The following MALRD1 variants were observed in gnomAD, a reference collection of about 807,000 sequenced individuals.
MALRD1 encodes MAM and LDL receptor class A domain containing 1, also known as MAM and LDL-receptor class A domain-containing protein 1.
A neutral mutation model predicts 242.1 loss-of-function variants in MALRD1; 247 were observed. That is an observed-to-expected ratio of 1.02 (90% CI 0.92 to 1.13). The LOEUF (loss-of-function observed/expected upper bound fraction) is 1.13. Ranked by LOEUF, MALRD1 falls within the 50% of genes most tolerant of loss-of-function variation. MALRD1 has a pLI of 0.00. For missense variants in MALRD1, 2,989 were observed against 2,533.1 expected (o/e 1.18, Z -3.86); for synonymous variants, 995 against 866.6 (o/e 1.15, Z -2.60).
chr10:19,511,605 A>C (rs565866962), intron 31 of MALRD1, among the ~76,000 whole-genome samples: 1 of 152,218 alleles, frequency 6.6e-6, no homozygotes, highest in South Asian at 2.1e-4. Flanking sequence ...AGGAATATGA[A>C]TATGTGAATC....
At chr10:19,584,851 T>C (rs1208653207) in intron 33 of MALRD1, among the ~76,000 whole-genome samples, 1 of 151,878 alleles carries the variant, frequency 6.6e-6, no homozygotes, top group African/African-American at 2.4e-5. Context: ...TATTAATGTG[T>C]GGGAGTCTAA....
At chr10:19,345,381 G>A (rs1337456064) in intron 24 of MALRD1, among the ~76,000 whole-genome samples, 1 of 152,036 alleles carries the variant, frequency 6.6e-6, no homozygotes, top group Non-Finnish European at 1.5e-5. Context: ...CAAGGCAACT[G>A]AATTATTTTA....
chr10:19,149,883 C>G (rs1833878592), intron 11 of MALRD1, among the ~76,000 whole-genome samples: 1 of 152,180 alleles, frequency 6.6e-6, no homozygotes. Context: ...GATCTGATTT[C>G]TAGCCCTAGT....
chr10:19,121,043 C>CA (rs552953820), intron 5 of MALRD1, among the ~76,000 whole-genome samples: 1 of 106,598 alleles, frequency 9.4e-6, no homozygotes, highest in Admixed American at 9.8e-5. Context: ...TGTGCCCGGC[C>CA]TTTTTTTTTT....
chr10:19,151,754 G>A (rs1454632360), intron 11 of MALRD1, among the ~76,000 whole-genome samples: 1 of 152,122 alleles, frequency 6.6e-6, no homozygotes, highest in Non-Finnish European at 1.5e-5. Context: ...AAAGTTTTCA[G>A]TATTTTTCAG....
At chr10:19,245,567 T>C (rs1182458160) in intron 18 of MALRD1, among the ~76,000 whole-genome samples, 1 of 152,136 alleles carries the variant, frequency 6.6e-6, no homozygotes, top group East Asian at 1.9e-4. Context: ...ATGTGAAAAA[T>C]TATAAAATAT....
At chr10:19,345,932 C>CT (rs1425685799) in intron 24 of MALRD1, among the ~76,000 whole-genome samples, 13 of 151,798 alleles carry the variant, frequency 8.6e-5, no homozygotes, top group Non-Finnish European at 1.8e-4. Flanking sequence ...CGTATGTTTT[C>CT]TTTTTTAATT....
intron 32 of MALRD1, among the ~76,000 whole-genome samples, chr10:19,540,944 G>T (rs1243756885): frequency 1.3e-5 from 2 of 152,132 alleles, no homozygotes; most frequent in Non-Finnish European, 2.9e-5. Flanking sequence ...GCAAGACCTT[G>T]TGTCTTTAAA....
chr10:19,530,448 A>AAATATTATATAATATG (rs1554793525), intron 31 of MALRD1, among the ~76,000 whole-genome samples: 2 of 100,184 alleles, frequency 2.0e-5, no homozygotes, highest in East Asian at 2.5e-4. Flanking sequence ...AATATATAAT[A>AAATATTATATAATATG]TATAATATAT....
intron 14 of MALRD1, among the ~76,000 whole-genome samples, chr10:19,194,415 T>C (rs1402144894): frequency 6.6e-6 from 1 of 152,148 alleles, no homozygotes; most frequent in East Asian, 1.9e-4. Flanking sequence ...AACAAAACGT[T>C]CTCTTCTTTT....
chr10:19,726,279 G>A (rs1238779216), intron 38 of MALRD1, among the ~76,000 whole-genome samples: 1 of 151,970 alleles, frequency 6.6e-6, no homozygotes, highest in Admixed American at 6.6e-5. Context: ...ATTTCAAAAT[G>A]GGCAAAGGAC....
chr10:19,484,122 CAA>C (rs1236661264), intron 29 of MALRD1, among the ~76,000 whole-genome samples: 4 of 152,054 alleles, frequency 2.6e-5, no homozygotes, highest in Admixed American at 2.6e-4. Flanking sequence ...GAACTACTGA[CAA>C]GAGAAGAGAG....
At chr10:19,098,652 G>A (rs1836133521) in intron 4 of MALRD1, among the ~76,000 whole-genome samples, 1 of 152,130 alleles carries the variant, frequency 6.6e-6, no homozygotes. Flanking sequence ...ATAACCGTAA[G>A]TGTTTTTAAT....
chr10:19,604,494 G>T (rs530156599), intron 34 of MALRD1, among the ~76,000 whole-genome samples: 1 of 152,136 alleles, frequency 6.6e-6, no homozygotes, highest in Non-Finnish European at 1.5e-5. Flanking sequence ...AGATAGCAGA[G>T]GTTGGTTTAT....
At chr10:19,169,349 A>G (rs1304300886) in intron 13 of MALRD1, among the ~76,000 whole-genome samples, 2 of 152,222 alleles carry the variant, frequency 1.3e-5, no homozygotes, top group African/African-American at 4.8e-5. Context: ...CACAATATAT[A>G]AAAATAGATA....
At chr10:19,580,688 C>T (rs543643922) in intron 33 of MALRD1, among the ~76,000 whole-genome samples, 2 of 152,282 alleles carry the variant, frequency 1.3e-5, no homozygotes, top group Admixed American at 6.5e-5. Flanking sequence ...GCTTTGGCCT[C>T]GACTAGCTGC....
chr10:19,121,804 C>T (rs895318234), intron 5 of MALRD1, among the ~76,000 whole-genome samples: 15 of 152,118 alleles, frequency 9.9e-5, no homozygotes, highest in Non-Finnish European at 1.5e-4. Context: ...TCTGATTTCT[C>T]TCATTTTCCC....
intron 14 of MALRD1, among the ~76,000 whole-genome samples, chr10:19,181,592 A>G (rs1423730613): frequency 6.6e-6 from 1 of 152,198 alleles, no homozygotes; most frequent in Non-Finnish European, 1.5e-5. Context: ...GATACGATGT[A>G]ACAGATATGG....
chr10:19,063,097 G>C (rs931392000), intron 1 of MALRD1, among the ~76,000 whole-genome samples: 7 of 151,850 alleles, frequency 4.6e-5, no homozygotes, highest in African/African-American at 7.3e-5. Flanking sequence ...AATGAGCCAT[G>C]ATTGCACCAT....
Sources: allele counts gnomAD v4.1 joint callset (sites outside exome capture counted in the v4.1 genomes callset), GRCh38; gene constraint gnomAD v4.1.1; transcripts MANE v1.5; gene names NCBI Gene and HGNC (gene_info 2026-07-23, HGNC 2026-07-21).